LDHC: variants seen among roughly 807,000 people sequenced by gnomAD.
The protein encoded by LDHC is lactate dehydrogenase C.
A neutral mutation model predicts 30.2 loss-of-function variants in LDHC; 20 were observed. The observed-to-expected ratio is 0.66, with a 90% confidence interval of 0.47 to 0.96. The LOEUF (loss-of-function observed/expected upper bound fraction) is 0.96. Among genes scored for constraint, LDHC ranks in the 40% least tolerant of loss-of-function variants. The pLI, the probability that LDHC is intolerant of heterozygous loss-of-function variation, is 0.00. For synonymous variants in LDHC, 139 were observed against 132.7 expected (o/e 1.05, Z -0.32); for missense variants, 362 against 394.9 (o/e 0.92, Z 0.71).
chr11:18,419,342 G>A (rs1203057389), intron 3 of LDHC, among the ~76,000 whole-genome samples: 3 of 152,172 alleles, frequency 2.0e-5, no homozygotes, highest in Non-Finnish European at 4.4e-5. Flanking sequence ...GAACTATACC[G>A]TTAATGTAAT....
chr11:18,447,134 ATTT>A (rs1316943953), intron 7 of LDHC, among the ~76,000 whole-genome samples: 3 of 138,850 alleles, frequency 2.2e-5, no homozygotes, highest in Non-Finnish European at 3.1e-5. Context: ...TGACTTCTCT[ATTT>A]TTTTTTTTTT....
At chr11:18,425,677 C>T (rs1201696280) in intron 3 of LDHC, among the ~76,000 whole-genome samples, 1 of 152,204 alleles carries the variant, frequency 6.6e-6, no homozygotes, top group Non-Finnish European at 1.5e-5. Context: ...TGGTGGCTCA[C>T]GCCTGTAATC....
chr11:18,442,614 T>C (rs1020818507), intron 6 of LDHC, among the ~76,000 whole-genome samples: 8 of 151,976 alleles, frequency 5.3e-5, no homozygotes, highest in Non-Finnish European at 8.8e-5. Flanking sequence ...TTATTAAAGG[T>C]ATTGATACAC....
chr11:18,415,075 C>G (rs143493990), intron 2 of LDHC, 109 bp from the exon 3 acceptor site: 1 of 590,154 alleles, frequency 1.7e-6, no homozygotes, highest in African/African-American at 1.9e-5. Context: ...TCATTTTTCC[C>G]TATTAAAATA....
At chr11:18,450,779 G>C in intron 7 of LDHC, 184 bp from the exon 8 acceptor site, 1 of 475,308 alleles carries the variant, frequency 2.1e-6, no homozygotes, top group Non-Finnish European at 3.7e-6. Context: ...GTCACTGAAT[G>C]TAAGTTCCAC....
intron 4 of LDHC, among the ~76,000 whole-genome samples, chr11:18,431,943 A>AT (rs1009921344): frequency 4.6e-4 from 70 of 151,812 alleles, no homozygotes; most frequent in African/African-American, 1.4e-3. Context: ...TATCTTTTGT[A>AT]TTTTTTTGTT....
intron 6 of LDHC, among the ~76,000 whole-genome samples, chr11:18,440,627 G>A (rs913027863): frequency 7.9e-5 from 12 of 152,144 alleles, no homozygotes; most frequent in African/African-American, 2.6e-4. Context: ...AAATTTTACC[G>A]TAGTTAAAAA....
chr11:18,434,869 C>G lies in LDHC; in HGVS notation c.548C>G (p.Thr183Arg). Residue 183 changes from threonine (T) to arginine (R), a missense_variant, in exon 5 of 8, where the codon ACA (threonine) becomes AGA (arginine). Transcript: ENST00000541669. ...GGAGAAAAGTTGGGTGTCCACCCCA[C>G]AAGCTGCCATGGTTGGATTATTGGA... ...LIGEKLGVHPTSCHGWIIGEH... is the reference protein window; with the variant it reads ...LIGEKLGVHPRSCHGWIIGEH... 1 of 1,613,386 alleles carries G rather than the reference C, an allele frequency of 6.2e-7. No homozygotes were observed. Among genetic ancestry groups the G allele is most frequent in the Non-Finnish European group, 8.5e-7 (1 of 1,179,338 alleles).
At chr11:18,429,643 A>G (rs1848229846) in intron 3 of LDHC, 94 bp from the exon 4 acceptor site, 6 of 632,868 alleles carry the variant, frequency 9.5e-6, no homozygotes, top group African/African-American at 1.8e-5. Flanking sequence ...ATACTTTAAT[A>G]TAATACTAAG....
chr11:18,436,481 GTTTTT>G (rs35976847), intron 5 of LDHC, among the ~76,000 whole-genome samples: 23 of 108,186 alleles, frequency 2.1e-4, no homozygotes, highest in Non-Finnish European at 5.2e-5. Flanking sequence ...ATAATACAAA[GTTTTT>G]TTTTTTTTTT....
chr11:18,451,591 A>G lies in LDHC; in HGVS notation c.*464A>G, dbSNP rs1506520. 1 of 152,092 alleles carries G rather than the reference A, an allele frequency of 6.6e-6. No homozygotes were observed. The highest frequency in any genetic ancestry group is 1.5e-5 in the Non-Finnish European group (1 of 68,046). The allele number at this position is 152,092 out of a possible 1,614,324, so 9.4% of individuals were successfully genotyped here. On this transcript the variant is annotated 3_prime_UTR_variant, in exon 8 of 8. Coordinates refer to ENST00000541669, the MANE Select transcript of LDHC (RefSeq NM_017448.5). ...TGGCCGGGCACTGCAGCCTGGGTGA[A>G]AGAGTGAGGCTCTGTCTCAAAAAAA...
chr11:18,447,004 G>A (rs1446471807), intron 7 of LDHC, among the ~76,000 whole-genome samples: 1 of 152,142 alleles, frequency 6.6e-6, no homozygotes, highest in African/African-American at 2.4e-5. Flanking sequence ...AGCAGAGGGG[G>A]ATGCAGTCCA....
At chr11:18,430,408 A>G (rs1027568979) in intron 4 of LDHC, among the ~76,000 whole-genome samples, 2 of 151,926 alleles carry the variant, frequency 1.3e-5, no homozygotes, top group South Asian at 2.1e-4. Flanking sequence ...TGCAGGGCGT[A>G]ATCTTGACTC....
At chr11:18,430,142 C>A (rs1848239556) in intron 4 of LDHC, among the ~76,000 whole-genome samples, 1 of 152,156 alleles carries the variant, frequency 6.6e-6, no homozygotes, top group Admixed American at 6.5e-5. Context: ...TGCAGTTCAT[C>A]TCTCATTCCA....
chr11:18,422,975 A>G (rs1387715892), intron 3 of LDHC, among the ~76,000 whole-genome samples: 1 of 143,298 alleles, frequency 7.0e-6, no homozygotes, highest in Admixed American at 7.4e-5. Context: ...TGTCTCAAAA[A>G]AACCAAAACC....
chr11:18,424,999 TCAAAA>T (rs944713351), intron 3 of LDHC, among the ~76,000 whole-genome samples: 1 of 152,128 alleles, frequency 6.6e-6, no homozygotes, highest in Non-Finnish European at 1.5e-5. Flanking sequence ...TAGAGCCATC[TCAAAA>T]CAAAACAAAA....
chr11:18,445,741 C>T (rs1848543610), intron 6 of LDHC, among the ~76,000 whole-genome samples: 1 of 152,042 alleles, frequency 6.6e-6, no homozygotes, highest in Non-Finnish European at 1.5e-5. Context: ...GAAACTGAGG[C>T]GAGCAGATCG....
intron 3 of LDHC, among the ~76,000 whole-genome samples, chr11:18,426,772 T>C (rs1848168504): frequency 6.6e-6 from 1 of 152,168 alleles, no homozygotes; most frequent in Admixed American, 6.5e-5. Context: ...AATGATATGA[T>C]GGCTTTATGT....
chr11:18,417,106 A>G (rs1352296086), intron 3 of LDHC, among the ~76,000 whole-genome samples: 3 of 151,824 alleles, frequency 2.0e-5, no homozygotes, highest in Non-Finnish European at 4.4e-5. Flanking sequence ...CTGGTCTTGA[A>G]CTCCTGACCT....
Sources: gnomAD v4.1 joint callset for allele counts (sites outside exome capture counted in the v4.1 genomes callset) on GRCh38, gnomAD v4.1.1 for gene constraint, MANE v1.5 for transcripts, NCBI Gene and HGNC (gene_info 2026-07-23, HGNC 2026-07-21) for gene names.